SPPL3: variants seen among roughly 807,000 people sequenced by gnomAD.
SPPL3 encodes signal peptide peptidase-like 3.
SPPL3 carries 5 observed loss-of-function variants against 42.4 expected under a neutral mutation model. The observed-to-expected ratio is 0.12, with a 90% CI of 0.06 to 0.25. SPPL3 has a LOEUF of 0.25. Ranked by LOEUF, SPPL3 falls within the 10% of genes least tolerant of loss-of-function variation. The pLI, the probability that SPPL3 is intolerant of heterozygous loss-of-function variation, is 1.00. For synonymous variants in SPPL3, 195 were observed against 181.8 expected, an observed-to-expected ratio of 1.07 and a Z score of -0.58; for missense variants, 235 against 489.0, an observed-to-expected ratio of 0.48 and a Z score of 4.90.
chr12:120,894,791 C>T (rs905362529), intron 1 of SPPL3, among the ~76,000 whole-genome samples: 1 of 151,938 alleles, frequency 6.6e-6, no homozygotes, highest in African/African-American at 2.4e-5. Context: ...ACTAAAAATA[C>T]AAAAAATTAG....
Position 120,768,348 on chromosome 12 carries a change from C to T in SPPL3, c.750G>A (p.Leu250=), listed in dbSNP as rs1338859158. The part of the protein sequence containing the change: ...NVGRDVPRLS[L]PGKLVFPSST... ...ACCTTGGGAAGACCAGTTTTCCAGGCAGAGACAGGCGAGGAACATCACGCC... is the reference window on the plus strand; with the variant it reads ...ACCTTGGGAAGACCAGTTTTCCAGGTAGAGACAGGCGAGGAACATCACGCC... The change falls in exon 8 of 11, where the codon CTG becomes CTA. Residue 250 remains leucine (L), a synonymous_variant. Coordinates refer to ENST00000353487, the MANE Select transcript of SPPL3 (RefSeq NM_139015.5). 2 of 1,613,774 alleles carry T rather than the reference C, an allele frequency of 1.2e-6. No homozygotes were observed. Among genetic ancestry groups the T allele is most frequent in the Non-Finnish European group, 1.7e-6 (2 of 1,179,834 alleles).
In SPPL3 at chr12:120,776,577, CT is replaced by C. The variant is rs149282280; in HGVS notation, c.502+6077del. 2.7e-4 allele frequency among the ~76,000 whole-genome samples: 39 copies of C among 146,422 alleles called. No homozygotes were observed. The South Asian group carries it at 4.1e-3, about 15-fold the overall frequency. On this transcript the variant is annotated intron_variant, in intron 6 of 10. Coordinates refer to ENST00000353487, the MANE Select transcript of SPPL3 (RefSeq NM_139015.5). ...GAATGTCACCTTCCACCATGCTGAA[CT>C]TTTTTTTTTTGGTAACATACTATTA...
At chr12:120,811,656 G>T (rs1870685685) in intron 1 of SPPL3, among the ~76,000 whole-genome samples, 1 of 152,100 alleles carries the variant, frequency 6.6e-6, no homozygotes, top group African/African-American at 2.4e-5. Context: ...ATTTGTCAGG[G>T]ATTTTCCTAA....
chr12:120,845,396 C>A, intron 1 of SPPL3: 1 of 373,732 alleles, frequency 2.7e-6, no homozygotes, highest in Non-Finnish European at 5.4e-6. Context: ...AAAATCAGGC[C>A]TGTGTGTTCT....
At chr12:120,826,689 A>G (rs1871240458) in intron 1 of SPPL3, among the ~76,000 whole-genome samples, 1 of 152,166 alleles carries the variant, frequency 6.6e-6, no homozygotes, top group African/African-American at 2.4e-5. Flanking sequence ...TTTCAGAAGT[A>G]TATACAAAGG....
chr12:120,890,304 C>T (rs1399162430), intron 1 of SPPL3, among the ~76,000 whole-genome samples: 2 of 149,698 alleles, frequency 1.3e-5, no homozygotes, highest in Admixed American at 1.3e-4. Flanking sequence ...AATATCAAAT[C>T]CAGGGCAGGG....
rs535403926 is a variant in SPPL3 at position 120,763,841 on chromosome 12, A to T, written c.*1158T>A. On this transcript the variant is annotated 3_prime_UTR_variant, in exon 11 of 11. Transcript: ENST00000353487. ...TTTTCTTAAAGGAGTGAGGGCATGGAAAATATACAGCACACCAATGAAACA... is the reference window on the plus strand; with the variant it reads ...TTTTCTTAAAGGAGTGAGGGCATGGTAAATATACAGCACACCAATGAAACA... 3 of 149,098 alleles carry T rather than the reference A, an allele frequency of 2.0e-5. No individual in the cohort carries two copies. The East Asian group carries it at 5.9e-4, about 29-fold the overall frequency. 9.2% of individuals were successfully genotyped at this position (149,098 alleles called of 1,614,324 possible).
chr12:120,783,600 C>A (rs895097207), intron 5 of SPPL3, 74 bp downstream of exon 5: 1 of 1,348,010 alleles, frequency 7.4e-7, no homozygotes, highest in South Asian at 1.4e-5. Context: ...ATTGAGAATC[C>A]TAATAATGCT....
chr12:120,857,980 A>T (rs1872514657), intron 1 of SPPL3, among the ~76,000 whole-genome samples: 1 of 151,528 alleles, frequency 6.6e-6, no homozygotes, highest in African/African-American at 2.4e-5. Context: ...ATATATATTT[A>T]AAAAGAAAGA....
intron 3 of SPPL3, among the ~76,000 whole-genome samples, chr12:120,787,310 G>A (rs1176378635): frequency 1.3e-5 from 2 of 152,162 alleles, no homozygotes; most frequent in Non-Finnish European, 2.9e-5. Context: ...TATAACTGAA[G>A]TTTAGTAAAA....
intron 1 of SPPL3, among the ~76,000 whole-genome samples, chr12:120,895,356 G>C (rs1260826425): frequency 3.3e-5 from 5 of 151,942 alleles, no homozygotes; most frequent in Non-Finnish European, 7.4e-5. Context: ...GAACCCAGGA[G>C]GTAGAGGTTG....
At chr12:120,894,241 T>C (rs558168503) in intron 1 of SPPL3, among the ~76,000 whole-genome samples, 1 of 152,262 alleles carries the variant, frequency 6.6e-6, no homozygotes, top group Admixed American at 6.5e-5. Flanking sequence ...GGAGAATCAC[T>C]TGAACCCGGG....
chr12:120,766,453 G>T (rs1222215921), intron 9 of SPPL3, 81 bp from the exon 10 acceptor site: 2 of 1,129,154 alleles, frequency 1.8e-6, no homozygotes, highest in Non-Finnish European at 2.5e-6. Flanking sequence ...TCCTGCAACT[G>T]TACAGATCTA....
At chr12:120,896,279 C>T (rs1873798694) in intron 1 of SPPL3, among the ~76,000 whole-genome samples, 1 of 152,182 alleles carries the variant, frequency 6.6e-6, no homozygotes, top group Non-Finnish European at 1.5e-5. Flanking sequence ...TGTTTCATTT[C>T]AAGCTGTGGC....
intron 1 of SPPL3, among the ~76,000 whole-genome samples, chr12:120,836,743 G>A (rs1256612181): frequency 6.6e-6 from 1 of 152,230 alleles, no homozygotes; most frequent in East Asian, 1.9e-4. Context: ...TACTTTCAGT[G>A]TTAGTTCCAT....
intron 6 of SPPL3, among the ~76,000 whole-genome samples, chr12:120,773,316 G>A (rs1869188372): frequency 6.6e-6 from 1 of 152,244 alleles, no homozygotes; most frequent in Non-Finnish European, 1.5e-5. Context: ...CAGGTGGGAA[G>A]CCCATCGGGC....
chr12:120,830,125 A>T (rs1004710627), intron 1 of SPPL3, among the ~76,000 whole-genome samples: 7 of 149,640 alleles, frequency 4.7e-5, no homozygotes, highest in Non-Finnish European at 1.0e-4. Context: ...GGTAGCTGTG[A>T]GAAGTTATCT....
intron 2 of SPPL3, among the ~76,000 whole-genome samples, chr12:120,794,428 C>T (rs1009263683): frequency 3.9e-5 from 6 of 152,020 alleles, no homozygotes; most frequent in Non-Finnish European, 8.8e-5. Context: ...GACAGAGTCT[C>T]AATCTGTCAC....
At chr12:120,803,908 C>T (rs1334267554) in intron 2 of SPPL3, among the ~76,000 whole-genome samples, 1 of 152,134 alleles carries the variant, frequency 6.6e-6, no homozygotes, top group Non-Finnish European at 1.5e-5. Context: ...ACATATTACA[C>T]ACAATTAGAA....
Sources: gnomAD v4.1 joint callset for allele counts (sites outside exome capture counted in the v4.1 genomes callset) on GRCh38, gnomAD v4.1.1 for gene constraint, MANE v1.5 for transcripts, NCBI Gene and HGNC (gene_info 2026-07-23, HGNC 2026-07-21) for gene names.